KCNN2: variants seen among roughly 807,000 people sequenced by gnomAD.
The protein encoded by KCNN2 is potassium calcium-activated channel subfamily N member 2.
A neutral mutation model predicts 55.5 loss-of-function variants in KCNN2; 24 were observed. The observed-to-expected ratio is 0.43, with a 90% CI of 0.31 to 0.61. The LOEUF is 0.61. KCNN2 is among the 20% of genes least tolerant of loss of function. KCNN2 has a pLI of 0.08. For missense variants in KCNN2, 754 were observed against 853.6 expected (o/e 0.88, Z 1.45); for synonymous variants, 431 against 336.1 (o/e 1.28, Z -3.09).
intron 1 of KCNN2, among the ~76,000 whole-genome samples, chr5:114,150,385 A>G (rs377752230): frequency 6.6e-6 from 1 of 152,234 alleles, no homozygotes; most frequent in African/African-American, 2.4e-5. Context: ...CTGAAAAACC[A>G]GTAAAACTTT....
chr5:114,134,578 C>G (rs1752136059), intron 1 of KCNN2, among the ~76,000 whole-genome samples: 1 of 151,512 alleles, frequency 6.6e-6, no homozygotes, highest in African/African-American at 2.4e-5. Context: ...CGAGTTCAAG[C>G]CATTCTCCTG....
intron 1 of KCNN2, among the ~76,000 whole-genome samples, chr5:114,103,216 A>G (rs1426424267): frequency 1.3e-5 from 2 of 152,076 alleles, no homozygotes; most frequent in Non-Finnish European, 2.9e-5. Flanking sequence ...ATGGGAGTAC[A>G]CTCATGATTT....
intron 1 of KCNN2, among the ~76,000 whole-genome samples, chr5:114,129,258 A>T (rs2112609028): frequency 6.6e-6 from 1 of 152,310 alleles, no homozygotes; most frequent in East Asian, 1.9e-4. Flanking sequence ...TGGTATCCAA[A>T]GTAACTGATG....
chr5:114,191,329 T>G (rs1385295033), intron 1 of KCNN2, among the ~76,000 whole-genome samples: 1 of 152,172 alleles, frequency 6.6e-6, no homozygotes, highest in African/African-American at 2.4e-5. Context: ...ATCTTATTTA[T>G]GCTTCAGTGT....
At chr5:114,068,687 A>G (rs555635941) in intron 1 of KCNN2, among the ~76,000 whole-genome samples, 106 of 152,372 alleles carry the variant, frequency 7.0e-4, no homozygotes, top group Admixed American at 2.5e-3. Flanking sequence ...TTCACAGTGT[A>G]GTGAACTTAA....
intron 1 of KCNN2, among the ~76,000 whole-genome samples, chr5:114,161,609 T>C (rs1452253747): frequency 1.3e-5 from 2 of 152,244 alleles, no homozygotes; most frequent in Non-Finnish European, 2.9e-5. Flanking sequence ...TCCAACTTGA[T>C]TGCATTCTCC....
intron 1 of KCNN2, among the ~76,000 whole-genome samples, chr5:114,092,108 G>A (rs903051554): frequency 6.6e-6 from 1 of 152,188 alleles, no homozygotes. Flanking sequence ...CTAAGAGCCT[G>A]TAAAATCAAA....
At chr5:114,414,289 T>A (rs950568485) in intron 3 of KCNN2, among the ~76,000 whole-genome samples, 3 of 152,200 alleles carry the variant, frequency 2.0e-5, no homozygotes, top group Non-Finnish European at 4.4e-5. Context: ...TTTATAACCT[T>A]AGTCCATGTT....
chr5:114,212,042 G>A (rs1753897744), intron 1 of KCNN2, among the ~76,000 whole-genome samples: 1 of 151,420 alleles, frequency 6.6e-6, no homozygotes, highest in African/African-American at 2.4e-5. Flanking sequence ...TTAAATATAT[G>A]TTAAGTGTAT....
chr5:114,467,381 G>C (rs1761501169), intron 4 of KCNN2, among the ~76,000 whole-genome samples: 1 of 152,176 alleles, frequency 6.6e-6, no homozygotes, highest in Non-Finnish European at 1.5e-5. Context: ...CCTTAGTGTT[G>C]AATGTTTGAG....
intron 1 of KCNN2, among the ~76,000 whole-genome samples, chr5:114,076,832 T>G (rs373916403): frequency 3.9e-5 from 6 of 151,916 alleles, no homozygotes; most frequent in Non-Finnish European, 8.8e-5. Flanking sequence ...TAGCTGGGAG[T>G]GCAGGCACGT....
Position 114,362,598 on chromosome 5 carries a change from C to T in KCNN2, c.459C>T (p.Ser153=). 1 of 811,760 alleles carries T rather than the reference C, an allele frequency of 1.2e-6. No homozygotes were observed. The highest frequency in any genetic ancestry group is 1.9e-5 in the South Asian group (1 of 52,102). 50.3% of individuals were successfully genotyped at this position (811,760 alleles called of 1,614,324 possible). ...YAQQSAQQSA[S]ASQYHQCHSL... ...AGCAGTCCGCGCAGCAGTCGGCGTC[C>T]GCCTCCCAGTACCACCAGTGCCACA... The change falls in exon 1 of 8, where the codon TCC becomes TCT. Residue 153 remains serine, a synonymous_variant. Transcript: ENST00000673685.
intron 6 of KCNN2, chr5:114,490,639 TAC>T (rs1310373238): frequency 1.3e-5 from 5 of 397,888 alleles, no homozygotes; most frequent in African/African-American, 8.2e-5. Flanking sequence ...CAGAATATTT[TAC>T]AGTTTCTTTT....
intron 1 of KCNN2, among the ~76,000 whole-genome samples, chr5:114,153,796 T>C (rs553947864): frequency 6.6e-5 from 10 of 152,192 alleles, no homozygotes; most frequent in Non-Finnish European, 1.0e-4. Flanking sequence ...AAAACACTCA[T>C]GGAGAACTTC....
At chr5:114,445,639 T>C (rs1435474959) in intron 3 of KCNN2, among the ~76,000 whole-genome samples, 1 of 152,230 alleles carries the variant, frequency 6.6e-6, no homozygotes, top group African/African-American at 2.4e-5. Context: ...AAAGATCATC[T>C]CTATATGTAT....
rs1468589827 is a variant in KCNN2 at position 114,243,693 on chromosome 5, T to A, written c.-185+22128T>A. ...TGTCTTACTGTGCCTAATTTATAAG[T>A]TGAACTTTATCATAGGTATGTATAG... is the stretch of plus-strand genomic sequence containing the variant. On this transcript the variant is annotated intron_variant, in intron 2 of 10. Transcript: ENST00000512097. Among the ~76,000 whole-genome samples the A allele has an allele frequency of 2.0e-5, 3 of 152,248 alleles. No homozygotes were observed. In the East Asian group the frequency reaches 5.8e-4, roughly 29 times the overall value.
rs569518775 is a variant in KCNN2 at position 114,150,868 on chromosome 5, A to C, written c.-270-70612A>C. Among the ~76,000 whole-genome samples the C allele has an allele frequency of 2.0e-5, 3 of 152,234 alleles. No individual in the cohort carries two copies. The East Asian group carries it at 5.8e-4, about 29-fold the overall frequency. ...GAAACCTCATCTCTACTAAAAATGC[A>C]AAATTAGCCATGCATGGTGGTGCAT... is the stretch of plus-strand genomic sequence containing the variant. On this transcript the variant is annotated intron_variant, in intron 1 of 10. Coordinates refer to the KCNN2 transcript ENST00000512097.
intron 1 of KCNN2, among the ~76,000 whole-genome samples, chr5:114,168,354 T>C (rs551754940): frequency 6.6e-6 from 1 of 152,066 alleles, no homozygotes; most frequent in Non-Finnish European, 1.5e-5. Flanking sequence ...TACTTCAAAA[T>C]AGAGCTATTT....
chr5:114,178,921 T>C (rs567066628), intron 1 of KCNN2, among the ~76,000 whole-genome samples: 1 of 152,318 alleles, frequency 6.6e-6, no homozygotes, highest in East Asian at 1.9e-4. Flanking sequence ...CTTTTCTTAA[T>C]CTGTTTGTAG....
Sources: gnomAD v4.1 joint callset for allele counts (sites outside exome capture counted in the v4.1 genomes callset) on GRCh38, gnomAD v4.1.1 for gene constraint, MANE v1.5 for transcripts, NCBI Gene and HGNC (gene_info 2026-07-23, HGNC 2026-07-21) for gene names.